Variants in SCMH1 observed in about 807,000 individuals in gnomAD.
SCMH1 encodes the protein Scm polycomb group protein homolog 1, also known as polycomb protein SCMH1.
SCMH1 carries 37 observed loss-of-function variants against 70.8 expected under a neutral mutation model. That is an observed-to-expected ratio of 0.52 (90% CI 0.40 to 0.69). The LOEUF (loss-of-function observed/expected upper bound fraction) is 0.69, where lower values mean the gene tolerates loss of function less well. Among genes scored for constraint, SCMH1 ranks in the 30% least tolerant of loss-of-function variants. The probability of loss-of-function intolerance (pLI) is 0.00; values close to 1 mark genes in which losing one functional copy is unlikely to be tolerated. For synonymous variants in SCMH1, 292 were observed against 307.4 expected, an observed-to-expected ratio of 0.95 and a Z score of 0.52; for missense variants, 607 against 827.3, an observed-to-expected ratio of 0.73 and a Z score of 3.27.
At chr1:41,177,815 T>G (rs568221071) in intron 2 of SCMH1, among the ~76,000 whole-genome samples, 30 of 152,272 alleles carry the variant, frequency 2.0e-4, no homozygotes, top group Admixed American at 3.9e-4. Context: ...AAAACACTCT[T>G]CAGGATATTA....
intron 1 of SCMH1, among the ~76,000 whole-genome samples, chr1:41,205,884 TG>T (rs1655420428): frequency 6.6e-6 from 1 of 152,214 alleles, no homozygotes. Context: ...CAGCCTCCGC[TG>T]GTGATACCCA....
chr1:41,157,570 C>T (rs1645654954), intron 4 of SCMH1, among the ~76,000 whole-genome samples: 1 of 152,166 alleles, frequency 6.6e-6, no homozygotes, highest in African/African-American at 2.4e-5. Context: ...GCAGAGAAAT[C>T]AGAGGTGTTT....
At chr1:41,158,247 T>A (rs1299630220) in intron 4 of SCMH1, among the ~76,000 whole-genome samples, 1 of 152,230 alleles carries the variant, frequency 6.6e-6, no homozygotes, top group East Asian at 1.9e-4. Flanking sequence ...GCTGGACATA[T>A]AACTGTAATC....
intron 2 of SCMH1, among the ~76,000 whole-genome samples, chr1:41,163,249 C>CG (rs397800271): frequency 0.23 from 5 of 22 alleles, no homozygotes; most frequent in Non-Finnish European, 0.25. Context: ...GAGCTGCCCA[C>CG]TTGCGGCAGG....
At position 41,048,083 on chromosome 1, in the gene SCMH1, G is replaced by A. The variant is rs117288507; in HGVS notation, c.1306+607C>T. Reference sequence around the variant, plus strand: ...ATCAGTTAAGACTGAAAGGCTCTAGGTCAAGTCTTCATAGGTTTAGTGGCT... The same window carrying A: ...ATCAGTTAAGACTGAAAGGCTCTAGATCAAGTCTTCATAGGTTTAGTGGCT... On this transcript the variant is annotated intron_variant, in intron 11 of 14. Coordinates refer to ENST00000337495, the Ensembl canonical transcript of SCMH1. Among the ~76,000 whole-genome samples, 118 of 151,454 alleles carry A rather than the reference G, an allele frequency of 7.8e-4. 1 individual carries two copies. The highest frequency in any genetic ancestry group is 5.6e-3 in the Admixed American group (85 of 15,096).
At chr1:41,117,501 C>A (rs1261617969) in intron 6 of SCMH1, among the ~76,000 whole-genome samples, 4 of 152,108 alleles carry the variant, frequency 2.6e-5, no homozygotes, top group Non-Finnish European at 5.9e-5. Flanking sequence ...AAGGGAGTCA[C>A]CCTTTCCCCG....
At chr1:41,039,260 T>C (rs771699603) in intron 12 of SCMH1, among the ~76,000 whole-genome samples, 65 of 151,932 alleles carry the variant, frequency 4.3e-4, no homozygotes, top group Non-Finnish European at 8.7e-4. Flanking sequence ...TGCAAACCAT[T>C]GAGTGTCTCT....
chr1:41,068,309 G>A (rs1273909307), intron 10 of SCMH1, among the ~76,000 whole-genome samples: 2 of 152,156 alleles, frequency 1.3e-5, no homozygotes, highest in Non-Finnish European at 2.9e-5. Context: ...ACAGAGATAC[G>A]ACTATTACAG....
chr1:41,035,460 C>G (rs1368611943), intron 13 of SCMH1, among the ~76,000 whole-genome samples: 1 of 152,158 alleles, frequency 6.6e-6, no homozygotes, highest in Non-Finnish European at 1.5e-5. Flanking sequence ...TGCAAATCAT[C>G]CCCTTTTCTT....
chr1:41,088,102 G>C (rs1008051631), intron 8 of SCMH1, among the ~76,000 whole-genome samples: 2 of 152,024 alleles, frequency 1.3e-5, no homozygotes, highest in East Asian at 3.8e-4. Context: ...GCAAAGGAGT[G>C]ACTCCCAGGG....
At chr1:41,190,289 G>A (rs1651371875) in intron 1 of SCMH1, among the ~76,000 whole-genome samples, 1 of 152,186 alleles carries the variant, frequency 6.6e-6, no homozygotes, top group African/African-American at 2.4e-5. Context: ...GCAAATATCT[G>A]GAGGGATTTC....
chr1:41,080,977 T>A (rs1456120949), intron 8 of SCMH1, among the ~76,000 whole-genome samples: 1 of 152,182 alleles, frequency 6.6e-6, no homozygotes, highest in Non-Finnish European at 1.5e-5. Context: ...GCATTACTTG[T>A]ACGTGACATG....
chr1:41,174,628 T>TA (rs1411608805), intron 2 of SCMH1, among the ~76,000 whole-genome samples: 1 of 152,130 alleles, frequency 6.6e-6, no homozygotes, highest in Non-Finnish European at 1.5e-5. Context: ...AAGTTATAAA[T>TA]ACCAGCAATA....
intron 6 of SCMH1, among the ~76,000 whole-genome samples, chr1:41,134,866 CAAGTT>C (rs1643007779): frequency 6.6e-6 from 1 of 151,994 alleles, no homozygotes; most frequent in South Asian, 2.1e-4. Flanking sequence ...TACTTTTTTC[CAAGTT>C]AAGTATATAG....
chr1:41,227,632 G>C (rs980461435), intron 1 of SCMH1, among the ~76,000 whole-genome samples: 1 of 152,184 alleles, frequency 6.6e-6, no homozygotes, highest in Admixed American at 6.5e-5. Context: ...GGTGCAACTA[G>C]CTGGGGCCTA....
intron 6 of SCMH1, among the ~76,000 whole-genome samples, chr1:41,137,285 A>G (rs1643498830): frequency 6.6e-6 from 1 of 152,180 alleles, no homozygotes; most frequent in African/African-American, 2.4e-5. Context: ...TGCTTTAATT[A>G]TATCTCAAAA....
intron 8 of SCMH1, among the ~76,000 whole-genome samples, chr1:41,085,838 CTTTT>C (rs59678945): frequency 2.3e-5 from 2 of 85,610 alleles, no homozygotes. Context: ...ATTTCACCTG[CTTTT>C]TTTTTTTTTT....
At chr1:41,240,394 T>C (rs1305589111) in intron 1 of SCMH1, among the ~76,000 whole-genome samples, 2 of 152,016 alleles carry the variant, frequency 1.3e-5, no homozygotes, top group Non-Finnish European at 2.9e-5. Context: ...GTTTAGGAGG[T>C]TGGTAAGTAA....
chr1:41,126,484 C>T (rs550534076), intron 6 of SCMH1, among the ~76,000 whole-genome samples: 1 of 152,026 alleles, frequency 6.6e-6, no homozygotes, highest in African/African-American at 2.4e-5. Context: ...TACTTTCTAC[C>T]TTATTCCAAG....
Sources: allele counts gnomAD v4.1 joint callset (sites outside exome capture counted in the v4.1 genomes callset), GRCh38; gene constraint gnomAD v4.1.1; transcripts MANE v1.5; gene names NCBI Gene and HGNC (gene_info 2026-07-23, HGNC 2026-07-21).